NR1D2: variants seen among roughly 807,000 people sequenced by gnomAD.
NR1D2 encodes V-erbA-related protein 1-related.
NR1D2 carries 25 observed loss-of-function variants against 52.2 expected under a neutral mutation model. That is an observed-to-expected ratio of 0.48 (90% CI 0.35 to 0.67). The LOEUF (loss-of-function observed/expected upper bound fraction) is 0.67, where lower values mean the gene tolerates loss of function less well. Ranked by LOEUF, NR1D2 falls within the 30% of genes least tolerant of loss-of-function variation. The pLI is 0.01. For synonymous variants in NR1D2, 259 were observed against 230.1 expected, an observed-to-expected ratio of 1.13 and a Z score of -1.14; for missense variants, 681 against 707.2, an observed-to-expected ratio of 0.96 and a Z score of 0.42.
chr3:23,948,773 T>C (rs1705847284), intron 1 of NR1D2, among the ~76,000 whole-genome samples: 1 of 152,232 alleles, frequency 6.6e-6, no homozygotes, highest in Non-Finnish European at 1.5e-5. Flanking sequence ...GAACACAAAC[T>C]GTTAACTACT....
At position 23,965,018 on chromosome 3, in the gene NR1D2, A is replaced by G; in HGVS notation, c.1188A>G (p.Lys396=). The part of the protein sequence containing the change: ...MSKSPYVDPH[K]SGHEIWEEFS... ...AGTCTCCATATGTGGATCCTCATAA[A>G]TCAGGACATGAAATCTGGGAAGAAT... The change falls in exon 6 of 8, where the codon AAA becomes AAG. Residue 396 remains lysine (K), a synonymous_variant. Transcript: ENST00000312521. The G allele has an allele frequency of 1.9e-6, 3 of 1,613,830 alleles. No homozygotes were observed. Among genetic ancestry groups the G allele is most frequent in the Non-Finnish European group, 2.5e-6 (3 of 1,179,832 alleles).
intron 5 of NR1D2, among the ~76,000 whole-genome samples, chr3:23,964,185 C>G (rs1038874826): frequency 2.0e-5 from 3 of 151,526 alleles, no homozygotes; most frequent in African/African-American, 7.3e-5. Flanking sequence ...TCAAGTGATT[C>G]TTCTGCCTCA....
At chr3:23,945,804 G>C (rs1705662652) in intron 1 of NR1D2, among the ~76,000 whole-genome samples, 1 of 150,498 alleles carries the variant, frequency 6.6e-6, no homozygotes, top group Non-Finnish European at 1.5e-5. Flanking sequence ...GCCGCAGCGC[G>C]GCCTGCCGGC....
In NR1D2 at chr3:23,978,309, T is replaced by G. The variant is rs1706790895; in HGVS notation, c.*890T>G. 1 of 152,150 alleles carries G rather than the reference T, an allele frequency of 6.6e-6. No individual in the cohort carries two copies. Among genetic ancestry groups the G allele is most frequent in the Non-Finnish European group, 1.5e-5 (1 of 67,996 alleles). 9.4% of individuals were successfully genotyped at this position (152,150 alleles called of 1,614,324 possible). On this transcript the variant is annotated 3_prime_UTR_variant, in exon 8 of 8. Transcript: ENST00000312521. ...TGAAGAACTTTATCATACAGGAAAC[T>G]TAAAACAAGAGGTGTCAAAAGACCC...
intron 7 of NR1D2, among the ~76,000 whole-genome samples, chr3:23,971,559 G>A (rs915634138): frequency 2.0e-5 from 3 of 152,018 alleles, no homozygotes; most frequent in Admixed American, 2.0e-4. Context: ...GTGAGCCACC[G>A]TGCCCAGCCT....
chr3:23,965,839 A>T (rs1706430716), intron 6 of NR1D2, among the ~76,000 whole-genome samples: 1 of 152,216 alleles, frequency 6.6e-6, no homozygotes, highest in Admixed American at 6.5e-5. Flanking sequence ...ACTGTATTCG[A>T]TACAGAATAA....
At chr3:23,961,773 A>G (rs1026905769) in intron 4 of NR1D2, among the ~76,000 whole-genome samples, 2 of 152,004 alleles carry the variant, frequency 1.3e-5, no homozygotes, top group African/African-American at 2.4e-5. Flanking sequence ...TTGTGGGGGG[A>G]AAATAGAAAA....
intron 1 of NR1D2, among the ~76,000 whole-genome samples, chr3:23,950,906 T>TTC (rs1352298837): frequency 1.4e-5 from 2 of 144,872 alleles, no homozygotes; most frequent in Admixed American, 6.8e-5. Context: ...CTTTTTCTTT[T>TTC]TTTTTTTTTT....
At chr3:23,948,510 A>G (rs1165712187) in intron 1 of NR1D2, among the ~76,000 whole-genome samples, 6 of 152,228 alleles carry the variant, frequency 3.9e-5, no homozygotes, top group Non-Finnish European at 1.5e-5. Flanking sequence ...AATGAGGTGA[A>G]TAATGGGTAG....
intron 1 of NR1D2, chr3:23,946,273 C>G (rs1258994346): frequency 4.1e-6 from 4 of 985,378 alleles, no homozygotes; most frequent in Admixed American, 6.1e-5. Flanking sequence ...AGGCGCGGAC[C>G]CCGCGCAAAC....
chr3:23,953,641 T>A (rs777719426), intron 1 of NR1D2, among the ~76,000 whole-genome samples: 1 of 152,170 alleles, frequency 6.6e-6, no homozygotes, highest in Non-Finnish European at 1.5e-5. Context: ...CACATATGTC[T>A]TCTGGGAACA....
At chr3:23,946,319 A>C in intron 1 of NR1D2, 1 of 983,722 alleles carries the variant, frequency 1.0e-6, no homozygotes, top group Non-Finnish European at 1.2e-6. Flanking sequence ...TGGTAGCTGC[A>C]TACCTTGCAG....
At chr3:23,960,630 C>T (rs960517904) in intron 4 of NR1D2, among the ~76,000 whole-genome samples, 19 of 152,118 alleles carry the variant, frequency 1.2e-4, no homozygotes, top group African/African-American at 4.1e-4. Context: ...TCAGGCGTGG[C>T]CAGGAGTTTT....
chr3:23,974,398 G>A (rs184826430), intron 7 of NR1D2, among the ~76,000 whole-genome samples: 8 of 152,184 alleles, frequency 5.3e-5, no homozygotes, highest in Non-Finnish European at 1.0e-4. Context: ...GTCACTGGGC[G>A]ATAGGAATTT....
At chr3:23,965,985 C>T (rs947800867) in intron 6 of NR1D2, among the ~76,000 whole-genome samples, 1 of 152,162 alleles carries the variant, frequency 6.6e-6, no homozygotes, top group African/African-American at 2.4e-5. Context: ...CTTTTCTGTC[C>T]CGCTTCTCTT....
chr3:23,950,046 A>T (rs1705882582), intron 1 of NR1D2, among the ~76,000 whole-genome samples: 1 of 152,226 alleles, frequency 6.6e-6, no homozygotes, highest in African/African-American at 2.4e-5. Flanking sequence ...AGCTAATTTT[A>T]GCTCAGGGTT....
In NR1D2 at chr3:23,961,901, A is replaced by G. The variant is rs74880018; in HGVS notation, c.518-76A>G. On this transcript the variant is annotated intron_variant, in intron 4 of 7. Coordinates refer to ENST00000312521, the MANE Select transcript of NR1D2 (RefSeq NM_005126.5). ...TATGACTAGAGGCCATAACTGTTGGATAATTTTGTGTTATTCTTTTATACA... is the reference window on the plus strand; with the variant it reads ...TATGACTAGAGGCCATAACTGTTGGGTAATTTTGTGTTATTCTTTTATACA... 1.3e-3 allele frequency: 1,791 copies of G among 1,366,934 alleles called. 21 individuals are homozygous for G. The African/African-American group carries it at 0.022, about 17-fold the overall frequency. The allele number at this position is 1,366,934 out of a possible 1,614,324, so 84.7% of individuals were successfully genotyped here. A position where few individuals can be genotyped will look rare whatever the true frequency, so the allele number is the denominator to read the frequency against.
chr3:23,967,091 C>T (rs185877829), intron 6 of NR1D2, among the ~76,000 whole-genome samples: 74 of 152,138 alleles, frequency 4.9e-4, no homozygotes, highest in African/African-American at 1.6e-3. Context: ...TTTGGGAAGC[C>T]GAGATGGGTG....
chr3:23,959,761 A>T lies in NR1D2; in HGVS notation c.463A>T (p.Arg155Ter). ...TTCTATAATGAGAATGAATAGGAAC[A>T]GATGTCAGCAATGTCGCTTCAAAAA... The part of the protein sequence containing the change: ...NCSIMRMNRN[R>*]CQQCRFKKCL... Residue 155 changes from arginine to a stop codon, truncating the protein, a stop_gained, in exon 4 of 8, where the codon AGA becomes TGA. Transcript: ENST00000312521. LOFTEE classifies it high-confidence loss of function. 1 of 1,614,004 alleles carries T rather than the reference A, an allele frequency of 6.2e-7. No individual in the cohort carries two copies. Among genetic ancestry groups the T allele is most frequent in the Non-Finnish European group, 8.5e-7 (1 of 1,179,956 alleles).
Sources: allele counts gnomAD v4.1 joint callset (sites outside exome capture counted in the v4.1 genomes callset), GRCh38; gene constraint gnomAD v4.1.1; transcripts MANE v1.5; gene names NCBI Gene and HGNC (gene_info 2026-07-23, HGNC 2026-07-21).